TGS1: variants seen among roughly 807,000 people sequenced by gnomAD.
The protein encoded by TGS1 is trimethylguanosine synthase.
TGS1 carries 69 observed loss-of-function variants against 92.2 expected under a neutral mutation model. The observed-to-expected ratio is 0.75, with a 90% CI of 0.62 to 0.91. The LOEUF (loss-of-function observed/expected upper bound fraction) is 0.91. Among genes scored for constraint, TGS1 ranks in the 40% least tolerant of loss-of-function variants. TGS1 has a pLI of 0.00. For synonymous variants in TGS1, 345 were observed against 338.1 expected (o/e 1.02, Z -0.22); for missense variants, 1,062 against 1,001.2 (o/e 1.06, Z -0.82).
intron 12 of TGS1, 91 bp from the exon 13 acceptor site, chr8:55,824,490 T>C: frequency 6.6e-7 from 1 of 1,523,806 alleles, no homozygotes; most frequent in Non-Finnish European, 8.9e-7. Flanking sequence ...AAAGCCAGAG[T>C]CTTCCTATTA....
At chr8:55,821,404 GCA>G (rs544147600) in intron 12 of TGS1, among the ~76,000 whole-genome samples, 2 of 151,992 alleles carry the variant, frequency 1.3e-5, no homozygotes, top group Non-Finnish European at 2.9e-5. Context: ...GAACTGTTTT[GCA>G]CAGACTTCAG....
chr8:55,782,716 T>C, intron 1 of TGS1, 32 bp from the exon 2 acceptor site: 2 of 1,546,554 alleles, frequency 1.3e-6, no homozygotes, highest in Non-Finnish European at 1.7e-6. Flanking sequence ...GCTTAATTCA[T>C]TTCAATATGA....
chr8:55,785,257 T>C (rs1811675837), intron 2 of TGS1, among the ~76,000 whole-genome samples: 1 of 152,042 alleles, frequency 6.6e-6, no homozygotes, highest in African/African-American at 2.4e-5. Flanking sequence ...GTTTTCACCA[T>C]GTTGGCCAGG....
In TGS1 at chr8:55,786,965, A is replaced by G; in HGVS notation, c.1067A>G (p.Glu356Gly). ...QQLSEVSSKRECPASGQSEPR... is the reference protein window; with the variant it reads ...QQLSEVSSKRGCPASGQSEPR... ...CTAAGTGAAGTTAGTAGCAAAAGAG[A>G]GTGCCCTGCTTCCGGCCAAAGTGAA... Residue 356 changes from glutamate (E) to glycine (G), a missense_variant, in exon 4 of 13, where the codon GAG becomes GGG. By Grantham distance (98) the Glu-to-Gly change is moderately conservative (BLOSUM62 -2). Transcript: ENST00000260129. 1 of 1,614,162 alleles carries G rather than the reference A, an allele frequency of 6.2e-7. No homozygotes were observed. The highest frequency in any genetic ancestry group is 8.5e-7 in the Non-Finnish European group (1 of 1,180,034).
chr8:55,813,189 C>A, intron 12 of TGS1, 71 bp downstream of exon 12: 2 of 1,075,282 alleles, frequency 1.9e-6, no homozygotes, highest in South Asian at 1.4e-5. Flanking sequence ...AGATACAGGA[C>A]ATATCCTTAC....
At chr8:55,784,448 C>G (rs1310974675) in intron 2 of TGS1, among the ~76,000 whole-genome samples, 1 of 152,062 alleles carries the variant, frequency 6.6e-6, no homozygotes, top group African/African-American at 2.4e-5. Context: ...TCCCAAGTAG[C>G]AGGAACTACA....
At position 55,786,362 on chromosome 8, in the gene TGS1, A is replaced by T. The variant is rs761222376; in HGVS notation, c.464A>T (p.Asp155Val). 1 of 1,613,612 alleles carries T rather than the reference A, an allele frequency of 6.2e-7. No homozygotes were observed. ...GAAGAAGACGACATTTTGGCTTCAGATGATCCATCTTCAATTGAACAGTAT... is the reference window on the plus strand; with the variant it reads ...GAAGAAGACGACATTTTGGCTTCAGTTGATCCATCTTCAATTGAACAGTAT... ...EYEEDDILAS[D>V]DPSSIEQYEN... The change falls in exon 4 of 13, where the codon GAT (aspartate) becomes GTT (valine). Residue 155 changes from aspartate (D) to valine (V), a missense_variant. By Grantham distance (152) the Asp-to-Val change is radical (BLOSUM62 -3). Transcript: ENST00000260129.
chr8:55,816,193 A>C (rs1451618013), intron 12 of TGS1, among the ~76,000 whole-genome samples: 1 of 152,154 alleles, frequency 6.6e-6, no homozygotes, highest in Non-Finnish European at 1.5e-5. Flanking sequence ...CAGCCAGAGA[A>C]TTCCAGCTAA....
At chr8:55,819,991 T>C (rs1803588290) in intron 12 of TGS1, among the ~76,000 whole-genome samples, 1 of 152,212 alleles carries the variant, frequency 6.6e-6, no homozygotes, top group South Asian at 2.1e-4. Context: ...TTGACACAGA[T>C]CTGAAGGCCA....
At position 55,809,666 on chromosome 8, in the gene TGS1, C is replaced by G. The variant is rs77965185; in HGVS notation, c.2144-1215C>G. ...AGAGATGGGGTTTCGAACTCCTGAG[C>G]TCAAGGGGTCCACCCGCCTCAGCCT... On this transcript the variant is annotated intron_variant, in intron 10 of 12. Transcript: ENST00000260129. 1.0e-3 allele frequency among the ~76,000 whole-genome samples: 157 copies of G among 152,228 alleles called. 3 individuals carry two copies. The East Asian group carries it at 0.022, about 21-fold the overall frequency.
At chr8:55,824,041 G>A (rs1415049546) in intron 12 of TGS1, among the ~76,000 whole-genome samples, 2 of 152,070 alleles carry the variant, frequency 1.3e-5, no homozygotes, top group African/African-American at 4.8e-5. Flanking sequence ...GCTTGAACCC[G>A]GGAGGCGGAG....
intron 5 of TGS1, among the ~76,000 whole-genome samples, chr8:55,790,741 A>G (rs1381839915): frequency 6.6e-6 from 1 of 152,066 alleles, no homozygotes; most frequent in Non-Finnish European, 1.5e-5. Context: ...CTGATCTCAA[A>G]CTTCTGGCCT....
At chr8:55,779,659 A>G (rs1040967360) in intron 1 of TGS1, among the ~76,000 whole-genome samples, 1 of 152,210 alleles carries the variant, frequency 6.6e-6, no homozygotes, top group Non-Finnish European at 1.5e-5. Context: ...CCCTCCTTCT[A>G]AAAGAGAAGA....
chr8:55,792,826 C>G (rs961500417), intron 6 of TGS1, 42 bp downstream of exon 6: 2 of 1,344,318 alleles, frequency 1.5e-6, no homozygotes, highest in Non-Finnish European at 2.1e-6. Flanking sequence ...AAGTCCTAAC[C>G]ACTTCAACTA....
chr8:55,798,418 G>A (rs2130176035), intron 7 of TGS1, among the ~76,000 whole-genome samples: 1 of 152,268 alleles, frequency 6.6e-6, no homozygotes, highest in Non-Finnish European at 1.5e-5. Flanking sequence ...TTCCAAGGTA[G>A]ACTGCTTCTA....
intron 12 of TGS1, among the ~76,000 whole-genome samples, chr8:55,813,715 C>A (rs1803397591): frequency 6.6e-6 from 1 of 151,980 alleles, no homozygotes. Flanking sequence ...CAACTATGTT[C>A]TCATTGTCTT....
chr8:55,787,131 T>C (rs1473552584), intron 4 of TGS1, 71 bp downstream of exon 4: 5 of 1,022,488 alleles, frequency 4.9e-6, no homozygotes, highest in Non-Finnish European at 7.2e-6. Context: ...AAATAACTAC[T>C]AATCCTTTAT....
intron 8 of TGS1, among the ~76,000 whole-genome samples, chr8:55,801,582 CTTTTTTT>C (rs1212417955): frequency 8.3e-5 from 4 of 48,200 alleles, no homozygotes; most frequent in South Asian, 1.1e-3. Flanking sequence ...CCCCATCGTT[CTTTTTTT>C]TTTTTTTTTT....
intron 1 of TGS1, among the ~76,000 whole-genome samples, chr8:55,776,277 C>CTT (rs71256565): frequency 0.01 from 1,253 of 120,486 alleles, 21 homozygotes; most frequent in African/African-American, 0.036. Flanking sequence ...TTCACGGTGT[C>CTT]TTTTTTTTTT....
Sources: allele counts gnomAD v4.1 joint callset (sites outside exome capture counted in the v4.1 genomes callset), GRCh38; gene constraint gnomAD v4.1.1; transcripts MANE v1.5; gene names NCBI Gene and HGNC (gene_info 2026-07-23, HGNC 2026-07-21).